MAPKAPK5: variants seen among roughly 807,000 people sequenced by gnomAD.
MAPKAPK5 encodes the protein MAPK activated protein kinase 5.
MAPKAPK5 carries 30 observed loss-of-function variants against 65.1 expected under a neutral mutation model. The observed-to-expected ratio is 0.46, with a 90% CI of 0.34 to 0.63. The LOEUF is 0.63. Ranked by LOEUF, MAPKAPK5 falls within the 20% of genes least tolerant of loss-of-function variation. The probability of loss-of-function intolerance (pLI) is 0.01; values close to 1 mark genes in which losing one functional copy is unlikely to be tolerated. For synonymous variants in MAPKAPK5, 179 were observed against 204.6 expected, an observed-to-expected ratio of 0.87 and a Z score of 1.07; for missense variants, 433 against 581.4, an observed-to-expected ratio of 0.74 and a Z score of 2.63.
rs537267303 is a variant in MAPKAPK5 at position 111,888,995 on chromosome 12, A to G, written c.1211A>G (p.Gln404Arg). ...GTGATTGCTCAGTGTATTCTCCCCC[A>G]GGCTGGTAAAGGTCACACCATTTAC... ...RDVIAQCILP[Q>R]AGENEDEKLN... The change falls in exon 12 of 14, where the codon CAG becomes CGG. Residue 404 changes from glutamine (Q) to arginine (R), a missense_variant. Transcript: ENST00000550735. The G allele has an allele frequency of 2.9e-5, 45 of 1,572,580 alleles. No individual in the cohort carries two copies. Among genetic ancestry groups the G allele is most frequent in the Non-Finnish European group, 3.8e-5 (44 of 1,158,490 alleles).
In MAPKAPK5 at chr12:111,883,899, C is replaced by T; in HGVS notation, c.848+131C>T. ...CCCCGTTTTAATATCACAGAAATCT[C>T]TCTGGAGCCTGAGGTGACTGTTCTC... On this transcript the variant is annotated intron_variant, in intron 9 of 13. Coordinates refer to ENST00000550735, the MANE Select transcript of MAPKAPK5 (RefSeq NM_003668.4). This position sits in a 1 kb window ranked among gnomAD's most constrained non-coding sequence, Gnocchi z 4.8. 1 of 908,406 alleles carries T rather than the reference C, an allele frequency of 1.1e-6. No individual in the cohort carries two copies. Among genetic ancestry groups the T allele is most frequent in the Non-Finnish European group, 1.6e-6 (1 of 614,218 alleles). 56.3% of individuals were successfully genotyped at this position (908,406 alleles called of 1,614,324 possible). A position where few individuals can be genotyped will look rare whatever the true frequency, so the allele number is the denominator to read the frequency against.
intron 1 of MAPKAPK5, 22 bp downstream of exon 1, chr12:111,842,791 T>A: frequency 7.6e-7 from 1 of 1,313,988 alleles, no homozygotes; most frequent in Non-Finnish European, 9.8e-7. Context: ...GTGCCCCCTC[T>A]TCCCCCGCGT....
At chr12:111,875,834 C>G (rs1188333347) in intron 7 of MAPKAPK5, among the ~76,000 whole-genome samples, 1 of 152,118 alleles carries the variant, frequency 6.6e-6, no homozygotes, top group Non-Finnish European at 1.5e-5. Context: ...CTTTCACTCC[C>G]CATCTCTCCT....
rs560240695 is a variant in MAPKAPK5, at chr12:111,883,877, C to T, written c.848+109C>T. ...CTGGTTTCCTAGGCAGGCTCCTCCCCGTTTTAATATCACAGAAATCTCTCT... is the reference window on the plus strand; with the variant it reads ...CTGGTTTCCTAGGCAGGCTCCTCCCTGTTTTAATATCACAGAAATCTCTCT... On this transcript the variant is annotated intron_variant, in intron 9 of 13. Coordinates refer to ENST00000550735, the MANE Select transcript of MAPKAPK5 (RefSeq NM_003668.4). The surrounding 1 kb of genome is among the most constrained non-coding windows in gnomAD (Gnocchi z 4.8). The T allele has an allele frequency of 5.9e-5, 64 of 1,086,750 alleles. No homozygotes were observed. The Middle Eastern group carries it at 9.0e-4, about 15-fold the overall frequency. The allele number at this position is 1,086,750 out of a possible 1,614,324, so 67.3% of individuals were successfully genotyped here.
chr12:111,888,527 T>G lies in MAPKAPK5; in HGVS notation c.1009T>G (p.Leu337Val), dbSNP rs755773338. ...AATCCAGCAGGCTCACGCGGAACAG[T>G]TGGCCAACATGAGAATCCAGGATCT... ...AGIQQAHAEQ[L>V]ANMRIQDLKV... The change falls in exon 11 of 14, where the codon TTG becomes GTG. Residue 337 changes from leucine to valine, a missense_variant. By Grantham distance (32) the Leu-to-Val change is conservative (BLOSUM62 1). Around this residue, in one of 3 missense-constraint regions of MAPKAPK5, gnomAD observed 169 missense variants for 215.6 expected, o/e 0.78. Transcript: ENST00000550735. 1 of 1,613,990 alleles carries G rather than the reference T, an allele frequency of 6.2e-7. No homozygotes were observed. The highest frequency in any genetic ancestry group is 1.1e-5 in the South Asian group (1 of 91,088).
rs771471404 is a variant in MAPKAPK5, at chr12:111,896,047, G to A, written c.*2986G>A. The A allele has an allele frequency of 5.9e-5, 9 of 152,104 alleles. No homozygotes were observed. The highest frequency in any genetic ancestry group is 1.3e-4 in the Non-Finnish European group (9 of 68,010). The allele number at this position is 152,104 out of a possible 1,614,324, so 9.4% of individuals were successfully genotyped here. A position where few individuals can be genotyped will look rare whatever the true frequency, so the allele number is the denominator to read the frequency against. On this transcript the variant is annotated 3_prime_UTR_variant, in exon 14 of 14. Coordinates refer to ENST00000550735, the MANE Select transcript of MAPKAPK5 (RefSeq NM_003668.4). ...TGTAGTTTTCCTATCTTAGGGCAGA[G>A]GTTCAGTATTCCATGGGGAGAAAAA...
At chr12:111,847,362 T>A (rs955599535) in intron 1 of MAPKAPK5, among the ~76,000 whole-genome samples, 13 of 139,778 alleles carry the variant, frequency 9.3e-5, no homozygotes, top group African/African-American at 2.2e-4. Context: ...AAAAAAAAAA[T>A]TTAGGATAAG....
chr12:111,869,497 A>G (rs566028481), intron 5 of MAPKAPK5, among the ~76,000 whole-genome samples: 8 of 152,332 alleles, frequency 5.3e-5, no homozygotes, highest in African/African-American at 1.9e-4. Context: ...AGCAAAGCAA[A>G]GAGAATTAGG....
intron 1 of MAPKAPK5, among the ~76,000 whole-genome samples, chr12:111,855,931 C>G (rs1005709242): frequency 4.9e-4 from 74 of 150,518 alleles, no homozygotes; most frequent in African/African-American, 1.7e-3. Flanking sequence ...TCTTGGTTCA[C>G]CGCAACCTCT....
At chr12:111,884,477 C>T (rs1462098011) in intron 9 of MAPKAPK5, among the ~76,000 whole-genome samples, 1 of 152,242 alleles carries the variant, frequency 6.6e-6, no homozygotes, top group Non-Finnish European at 1.5e-5. Flanking sequence ...TTCCCAAGTG[C>T]TGGGATTACA....
intron 9 of MAPKAPK5, among the ~76,000 whole-genome samples, chr12:111,884,612 G>C (rs1468345406): frequency 6.6e-6 from 1 of 152,216 alleles, no homozygotes; most frequent in African/African-American, 2.4e-5. Flanking sequence ...TGTAGGACTA[G>C]GTAAGAAGTC....
chr12:111,876,166 C>T (rs2069957715), intron 7 of MAPKAPK5, among the ~76,000 whole-genome samples: 1 of 137,692 alleles, frequency 7.3e-6, no homozygotes, highest in African/African-American at 2.8e-5. Flanking sequence ...AAGATTGAGC[C>T]ATTGCACTCC....
intron 1 of MAPKAPK5, among the ~76,000 whole-genome samples, 155 bp from the exon 2 acceptor site, chr12:111,865,095 T>C (rs2069558205): frequency 6.6e-6 from 1 of 152,224 alleles, no homozygotes. Context: ...TTAGACAAAA[T>C]GTCATAAAGC....
chr12:111,865,253 A>G lies in MAPKAPK5; in HGVS notation c.40A>G (p.Thr14Ala), dbSNP rs2069562358. 8 of 1,569,752 alleles carry G rather than the reference A, an allele frequency of 5.1e-6. No homozygotes were observed. In the East Asian group the frequency reaches 9.2e-5, roughly 18 times the overall value. The change falls in exon 2 of 14, where the codon ACT becomes GCT. Residue 14 changes from threonine (T) to alanine (A), a missense_variant. Physicochemically the swap from Thr to Ala is moderately conservative, Grantham distance 58. Around this residue, in one of 3 missense-constraint regions of MAPKAPK5, gnomAD observed 165 missense variants for 180.0 expected, o/e 0.92. Coordinates refer to ENST00000550735, the MANE Select transcript of MAPKAPK5 (RefSeq NM_003668.4). ...ESDMDKAIKE[T>A]SILEEYSINW... is the part of the protein sequence containing the mutation. ...CTCCCTTTTTTTATATTAATAGGAA[A>G]CTTCCATTTTAGAAGAATACAGTAT... is the stretch of plus-strand genomic sequence containing the variant.
chr12:111,881,410 T>TTTTTTTTTTTTTTTTTTTTTTTG (rs2070218429), intron 8 of MAPKAPK5, among the ~76,000 whole-genome samples: 1 of 140,326 alleles, frequency 7.1e-6, no homozygotes, highest in Non-Finnish European at 1.5e-5. Flanking sequence ...TTCCTTTTTT[T>TTTTTTTTTTTTTTTTTTTTTTTG]TTTTTTTTTT....
chr12:111,845,221 T>G (rs2068869229), intron 1 of MAPKAPK5, among the ~76,000 whole-genome samples: 1 of 151,972 alleles, frequency 6.6e-6, no homozygotes, highest in African/African-American at 2.4e-5. Flanking sequence ...TCCTCCCAGG[T>G]TCAAGCAATT....
In MAPKAPK5 at chr12:111,899,228, A is replaced by G. The variant is rs573561981; in HGVS notation, c.*6167A>G. ...GCGAGGGAGAGCTCTGCTGATGGAC[A>G]TAGGCCCAGAATCATTAACTGATTT... On this transcript the variant is annotated 3_prime_UTR_variant, in exon 14 of 14. Transcript: ENST00000550735. 6.6e-6 allele frequency: 1 copy of G among 152,664 alleles called. No individual in the cohort carries two copies. Among genetic ancestry groups the G allele is most frequent in the South Asian group, 2.1e-4 (1 of 4,832 alleles). 9.5% of individuals were successfully genotyped at this position (152,664 alleles called of 1,614,324 possible). A position where few individuals can be genotyped will look rare whatever the true frequency, so the allele number is the denominator to read the frequency against.
chr12:111,862,126 C>T (rs2069460147), intron 1 of MAPKAPK5, among the ~76,000 whole-genome samples: 1 of 152,124 alleles, frequency 6.6e-6, no homozygotes. Context: ...ATGTGCCAGC[C>T]GTGGGCAATC....
Position 111,844,624 on chromosome 12 carries a change from G to A in MAPKAPK5, c.36+1855G>A, listed in dbSNP as rs542840315. ...GCCAGATGGTGTCCTAGACACAAAT[G>A]GTACAAGCCAGACTCCTAGATGTCC... On this transcript the variant is annotated intron_variant, in intron 1 of 13. Transcript: ENST00000550735. Among the ~76,000 whole-genome samples, 5 of 152,300 alleles carry A rather than the reference G, an allele frequency of 3.3e-5. No homozygotes were observed. The South Asian group carries it at 8.3e-4, about 25-fold the overall frequency.
Sources: gnomAD v4.1 joint callset for allele counts (sites outside exome capture counted in the v4.1 genomes callset) on GRCh38, gnomAD v4.1.1 for gene constraint, gnomAD v4.1.1 regional missense constraint, Gnocchi (gnomAD v3.1) non-coding constraint, MANE v1.5 for transcripts, NCBI Gene and HGNC (gene_info 2026-07-23, HGNC 2026-07-21) for gene names.